The following KRR1 variants were observed in gnomAD, a reference collection of about 807,000 sequenced individuals.
KRR1 encodes KRR1 small subunit processome component.
Under a neutral mutation model 50.0 loss-of-function variants are expected in KRR1, and 23 were observed. The observed-to-expected ratio is 0.46, with a 90% CI of 0.33 to 0.65. KRR1 has a LOEUF of 0.65. KRR1 is among the 30% of genes least tolerant of loss of function. The pLI is 0.02. For missense variants in KRR1, 419 were observed against 442.4 expected (o/e 0.95, Z 0.47); for synonymous variants, 133 against 146.3 (o/e 0.91, Z 0.66).
At position 75,499,854 on chromosome 12, in the gene KRR1, T is replaced by G; in HGVS notation, c.1101A>C (p.Ala367=). The G allele has an allele frequency of 6.2e-7, 1 of 1,608,610 alleles. No homozygotes were observed. Among genetic ancestry groups the G allele is most frequent in the Non-Finnish European group, 8.5e-7 (1 of 1,177,764 alleles). ...TCTTTTCATCTGCCTCCATCTTAAG[T>G]GCAATTTCTTCAGCTGTAAGAGCTC... The part of the protein sequence containing the change: ...KLGALTAEEI[A]LKMEADEKKK... The change falls in exon 10 of 10, where the codon GCA becomes GCC. Residue 367 remains alanine, a synonymous_variant. Coordinates refer to ENST00000229214, the MANE Select transcript of KRR1 (RefSeq NM_007043.7).
chr12:75,501,661 A>C, intron 9 of KRR1, 62 bp downstream of exon 9: 1 of 1,103,754 alleles, frequency 9.1e-7, no homozygotes, highest in Non-Finnish European at 1.3e-6. Flanking sequence ...AGATTCAGAC[A>C]AATTTATTAT....
intron 1 of KRR1, 26 bp downstream of exon 1, chr12:75,511,487 A>G: frequency 1.9e-6 from 3 of 1,600,772 alleles, no homozygotes; most frequent in Non-Finnish European, 2.6e-6. Context: ...CACAAACCCC[A>G]GGCTTCGGTT....
intron 5 of KRR1, 89 bp downstream of exon 5, chr12:75,506,227 A>G: frequency 1.3e-6 from 1 of 745,912 alleles, no homozygotes; most frequent in Non-Finnish European, 2.1e-6. Context: ...AAAGAAATAA[A>G]ATTATAAAGC....
Position 75,495,296 on chromosome 12 carries a change from C to A in KRR1, c.*4513G>T. 3.4e-6 allele frequency: 1 copy of A among 297,632 alleles called. No individual in the cohort carries two copies. Among genetic ancestry groups the A allele is most frequent in the Non-Finnish European group, 6.4e-6 (1 of 155,706 alleles). The allele number at this position is 297,632 out of a possible 1,614,324, so 18.4% of individuals were successfully genotyped here. ...TTGTGATTAAAGGTATCTCTTACAT[C>A]TTTTGTCTCATCTGTAAAACAAGAA... is the stretch of plus-strand genomic sequence containing the variant. On this transcript the variant is annotated 3_prime_UTR_variant, in exon 10 of 10. Coordinates refer to ENST00000229214, the MANE Select transcript of KRR1 (RefSeq NM_007043.7).
At position 75,498,747 on chromosome 12, in the gene KRR1, C is replaced by A; in HGVS notation, c.*1062G>T. 2 of 1,608,158 alleles carry A rather than the reference C, an allele frequency of 1.2e-6. No individual in the cohort carries two copies. The highest frequency in any genetic ancestry group is 1.3e-5 in the African/African-American group (1 of 74,840). ...TACGTACATCAATCTTAAATTGTTTCATTAAGAGCTATGTGAATTCTGTCA... is the reference window on the plus strand; with the variant it reads ...TACGTACATCAATCTTAAATTGTTTAATTAAGAGCTATGTGAATTCTGTCA... On this transcript the variant is annotated 3_prime_UTR_variant, in exon 10 of 10. Coordinates refer to ENST00000229214, the MANE Select transcript of KRR1 (RefSeq NM_007043.7).
At chr12:75,502,360 G>A (rs2046400025) in intron 7 of KRR1, 1 of 171,530 alleles carries the variant, frequency 5.8e-6, no homozygotes, top group African/African-American at 2.4e-5. Context: ...GTAGGTTTCT[G>A]AGAAGACTGT....
At chr12:75,505,359 T>G in intron 5 of KRR1, 105 bp from the exon 6 acceptor site, 1 of 1,123,034 alleles carries the variant, frequency 8.9e-7, no homozygotes, top group Non-Finnish European at 1.2e-6. Context: ...AATTAAATAA[T>G]GTAATTAAAT....
Position 75,498,979 on chromosome 12 carries a change from TACAATTCAGGAAAG to T in KRR1, c.*816_*829del. 6.4e-7 allele frequency: 1 copy of T among 1,560,102 alleles called. No individual in the cohort carries two copies. The highest frequency in any genetic ancestry group is 8.6e-7 in the Non-Finnish European group (1 of 1,158,320). ...CCCTAATTTAGTTCTTTTGGACTAA[TACAATTCAGGAAAG>T]AAAAAACCCAAAAACCAACCTCATT... On this transcript the variant is annotated 3_prime_UTR_variant, in exon 10 of 10. Transcript: ENST00000229214.
chr12:75,498,939 G>T lies in KRR1; in HGVS notation c.*870C>A, dbSNP rs143283114. The T allele has an allele frequency of 1.9e-6, 3 of 1,608,364 alleles. No individual in the cohort carries two copies. Among genetic ancestry groups the T allele is most frequent in the Non-Finnish European group, 1.7e-6 (2 of 1,176,900 alleles). On this transcript the variant is annotated 3_prime_UTR_variant, in exon 10 of 10. Transcript: ENST00000229214. ...TACTGTCTGTTATAATTACCATTTT[G>T]GTACAGCACAAGTACCCTAATTTAG...
chr12:75,501,568 A>G, intron 9 of KRR1, 155 bp downstream of exon 9: 1 of 593,748 alleles, frequency 1.7e-6, no homozygotes, highest in Non-Finnish European at 2.9e-6. Context: ...ATTATAAATT[A>G]TCTCAGCCAT....
chr12:75,495,788 A>G lies in KRR1; in HGVS notation c.*4021T>C, dbSNP rs2046346932. 1.7e-6 allele frequency: 1 copy of G among 586,782 alleles called. No homozygotes were observed. The highest frequency in any genetic ancestry group is 1.9e-5 in the African/African-American group (1 of 53,820). 36.3% of individuals were successfully genotyped at this position (586,782 alleles called of 1,614,324 possible). ...TCAAGGAAACTGGCATCAAGTAGCA[A>G]TTAAACCAATGGCTTACTGTTCTAG... is the stretch of plus-strand genomic sequence containing the variant. On this transcript the variant is annotated 3_prime_UTR_variant, in exon 10 of 10. Transcript: ENST00000229214.
At position 75,501,919 on chromosome 12, in the gene KRR1, G is replaced by A. The variant is rs775428193; in HGVS notation, c.909+4C>T. The A allele has an allele frequency of 1.2e-5, 19 of 1,607,750 alleles. No homozygotes were observed. Among genetic ancestry groups the A allele is most frequent in the East Asian group, 6.9e-5 (3 of 43,574 alleles). On this transcript the variant is annotated splice_donor_region_variant and intron_variant, in intron 8 of 9. Transcript: ENST00000229214. ...TCATGTGAGCCAGACATAAAGTGCCGTACCTTTATTGCTTCCATTTTCTGC... is the reference window on the plus strand; with the variant it reads ...TCATGTGAGCCAGACATAAAGTGCCATACCTTTATTGCTTCCATTTTCTGC...
chr12:75,509,884 T>C (rs539726860), intron 1 of KRR1, among the ~76,000 whole-genome samples: 1 of 151,970 alleles, frequency 6.6e-6, no homozygotes, highest in African/African-American at 2.4e-5. Context: ...TCACTGCAAC[T>C]AGTTACTTAC....
intron 2 of KRR1, 109 bp from the exon 3 acceptor site, chr12:75,507,025 T>G: frequency 1.2e-6 from 1 of 845,342 alleles, no homozygotes; most frequent in Non-Finnish European, 1.7e-6. Context: ...TCAATTCCTA[T>G]CAATTACTTC....
In KRR1 at chr12:75,506,958, G is replaced by GT. The variant is rs1245588077; in HGVS notation, c.259-43dup. ...CAAACAAGCAGTTGTCTAAAAATGA[G>GT]TTTTTTTAGATAATTATAAAGCCTC... is the stretch of plus-strand genomic sequence containing the variant. On this transcript the variant is annotated intron_variant, in intron 2 of 9. Transcript: ENST00000229214. The GT allele has an allele frequency of 5.2e-6, 8 of 1,534,384 alleles. No homozygotes were observed. The African/African-American group carries it at 5.7e-5, about 11-fold the overall frequency.
intron 1 of KRR1, 89 bp from the exon 2 acceptor site, chr12:75,508,535 A>C (rs1035492956): frequency 8.9e-6 from 8 of 900,914 alleles, no homozygotes; most frequent in African/African-American, 1.7e-5. Context: ...ACACTTTATG[A>C]ACATCCTATG....
At position 75,491,544 on chromosome 12, in the gene KRR1, C is replaced by T. The variant is rs1195917164; in HGVS notation, c.*8265G>A. 2 of 152,076 alleles carry T rather than the reference C, an allele frequency of 1.3e-5. No individual in the cohort carries two copies. Among genetic ancestry groups the T allele is most frequent in the African/African-American group, 4.8e-5 (2 of 41,408 alleles). The allele number at this position is 152,076 out of a possible 1,614,324, so 9.4% of individuals were successfully genotyped here. A position where few individuals can be genotyped will look rare whatever the true frequency, so the allele number is the denominator to read the frequency against. On this transcript the variant is annotated 3_prime_UTR_variant, in exon 10 of 10. Coordinates refer to ENST00000229214, the MANE Select transcript of KRR1 (RefSeq NM_007043.7). ...GATACTAGCACGTAAAGACTGTGAC[C>T]ATTTTTGTTTTAAGTACATATTGCC...
At position 75,504,453 on chromosome 12, in the gene KRR1, A is replaced by G. The variant is rs1040790425; in HGVS notation, c.661-379T>C. ...ATATCACAGAAAAAGACAAAAGTAA[A>G]CTTTCTCACGATTACAGAAAACCAG... On this transcript the variant is annotated intron_variant, in intron 6 of 9. Coordinates refer to ENST00000229214, the MANE Select transcript of KRR1 (RefSeq NM_007043.7). Among the ~76,000 whole-genome samples, 8 of 152,102 alleles carry G rather than the reference A, an allele frequency of 5.3e-5. 1 individual carries two copies. The highest frequency in any genetic ancestry group is 5.2e-4 in the Admixed American group (8 of 15,246).
Position 75,498,887 on chromosome 12 carries a change from T to G in KRR1, c.*922A>C. 6.2e-7 allele frequency: 1 copy of G among 1,610,156 alleles called. No individual in the cohort carries two copies. Among genetic ancestry groups the G allele is most frequent in the Non-Finnish European group, 8.5e-7 (1 of 1,176,662 alleles). On this transcript the variant is annotated 3_prime_UTR_variant, in exon 10 of 10. Transcript: ENST00000229214. ...CCACGTAACAGATACACTTCTCTCT[T>G]TCTCATTGTTAATTCAGTAATTCTA...
Sources: allele counts gnomAD v4.1 joint callset (sites outside exome capture counted in the v4.1 genomes callset), GRCh38; gene constraint gnomAD v4.1.1; transcripts MANE v1.5; gene names NCBI Gene and HGNC (gene_info 2026-07-23, HGNC 2026-07-21).